Variants in SF3B3 observed in about 807,000 individuals in gnomAD.
SF3B3 encodes splicing factor 3b subunit 3.
SF3B3 carries 33 observed loss-of-function variants against 139.2 expected under a neutral mutation model. The ratio of observed to expected loss-of-function variants is 0.24; its 90% CI spans 0.18 to 0.32. The LOEUF (loss-of-function observed/expected upper bound fraction) is 0.32, where lower values mean the gene tolerates loss of function less well. Ranked by LOEUF, SF3B3 falls within the 10% of genes least tolerant of loss-of-function variation. SF3B3 has a pLI of 1.00. For synonymous variants in SF3B3, 596 were observed against 563.6 expected, an observed-to-expected ratio of 1.06 and a Z score of -0.81; for missense variants, 818 against 1,509.4, an observed-to-expected ratio of 0.54 and a Z score of 7.59.
chr16:70,532,186 G>A (rs2050127453), intron 4 of SF3B3, among the ~76,000 whole-genome samples: 1 of 151,988 alleles, frequency 6.6e-6, no homozygotes, highest in Admixed American at 6.5e-5. Context: ...CAGCAACTCG[G>A]GAGGCTGAGG....
chr16:70,531,447 T>C (rs2050120891), intron 4 of SF3B3, among the ~76,000 whole-genome samples: 1 of 152,082 alleles, frequency 6.6e-6, no homozygotes, highest in Non-Finnish European at 1.5e-5. Flanking sequence ...CAGCTAATTT[T>C]TGTATTTTTA....
At chr16:70,531,886 T>G (rs1392466327) in intron 4 of SF3B3, among the ~76,000 whole-genome samples, 1 of 152,256 alleles carries the variant, frequency 6.6e-6, no homozygotes, top group Non-Finnish European at 1.5e-5. Context: ...GCCATTATCT[T>G]ATAGCATAAA....
In SF3B3 at chr16:70,574,737, C is replaced by T. The variant is rs1263734596; in HGVS notation, c.*2924C>T. The T allele has an allele frequency of 7.2e-5, 11 of 152,236 alleles. No homozygotes were observed. The highest frequency in any genetic ancestry group is 6.5e-4 in the Admixed American group (10 of 15,278). 9.4% of individuals were successfully genotyped at this position (152,236 alleles called of 1,614,324 possible). A position where few individuals can be genotyped will look rare whatever the true frequency, so the allele number is the denominator to read the frequency against. ...CGAACTCCTGGCCTAAAGTGGTCCA[C>T]CTAGCTCAGCCTACCAAAGTGCTGT... On this transcript the variant is annotated 3_prime_UTR_variant, in exon 26 of 26. Transcript: ENST00000302516.
Position 70,571,144 on chromosome 16 carries a change from C to T in SF3B3, c.3458C>T (p.Pro1153Leu). 6.2e-7 allele frequency: 1 copy of T among 1,614,024 alleles called. No homozygotes were observed. Among genetic ancestry groups the T allele is most frequent in the Non-Finnish European group, 8.5e-7 (1 of 1,179,984 alleles). Residue 1153 changes from proline (P) to leucine (L), a missense_variant, in exon 25 of 26, where the codon CCC (proline) becomes CTC (leucine). By Grantham distance (98) the Pro-to-Leu change is moderately conservative. Transcript: ENST00000302516. ...HVEMHLRSEH[P>L]PLCGRDHLSF... ...GAAATGCACCTGCGGTCTGAACATC[C>T]CCCTCTCTGTGGGCGGGACCACCTC... is the stretch of plus-strand genomic sequence containing the variant.
At chr16:70,557,587 T>C (rs1341027448) in intron 15 of SF3B3, among the ~76,000 whole-genome samples, 3 of 152,244 alleles carry the variant, frequency 2.0e-5, no homozygotes, top group Non-Finnish European at 4.4e-5. Context: ...ATCTCAAACA[T>C]AGCCAGAAGT....
chr16:70,529,394 C>T (rs1035451750), intron 3 of SF3B3, 195 bp downstream of exon 3: 3 of 568,248 alleles, frequency 5.3e-6, no homozygotes, highest in Admixed American at 3.3e-5. Flanking sequence ...TCTTAACACA[C>T]CTTTCTACTT....
chr16:70,538,103 G>T (rs768234241), intron 6 of SF3B3: 25 of 702,362 alleles, frequency 3.6e-5, no homozygotes, highest in South Asian at 3.4e-4. Flanking sequence ...AGGCTGTAGA[G>T]TGGAATTGGG....
chr16:70,569,036 C>T lies in SF3B3; in HGVS notation c.3166-7C>T. 2 of 1,600,682 alleles carry T rather than the reference C, an allele frequency of 1.2e-6. No homozygotes were observed. Among genetic ancestry groups the T allele is most frequent in the Non-Finnish European group, 1.7e-6 (2 of 1,172,264 alleles). On this transcript the variant is annotated splice_region_variant and splice_polypyrimidine_tract_variant and intron_variant, in intron 22 of 25. Coordinates refer to ENST00000302516, the MANE Select transcript of SF3B3 (RefSeq NM_012426.5). ...CCAGCAGTGTGACTTGTGTCACTTC[C>T]TTGTAGGTGAGGCTCCCACCTAACA...
At chr16:70,539,626 C>G (rs906786289) in intron 8 of SF3B3, among the ~76,000 whole-genome samples, 1 of 151,954 alleles carries the variant, frequency 6.6e-6, no homozygotes, top group Non-Finnish European at 1.5e-5. Flanking sequence ...TTAGTTCTTT[C>G]AAAAGAAGTT....
intron 5 of SF3B3, among the ~76,000 whole-genome samples, chr16:70,532,975 C>T (rs1216034133): frequency 6.6e-6 from 1 of 152,146 alleles, no homozygotes; most frequent in East Asian, 1.9e-4. Context: ...ATGGACAGAC[C>T]CCACAAGATG....
chr16:70,538,708 A>G (rs1350376762), intron 7 of SF3B3, among the ~76,000 whole-genome samples: 1 of 152,224 alleles, frequency 6.6e-6, no homozygotes, highest in Admixed American at 6.5e-5. Flanking sequence ...TTTTGGTGTG[A>G]AGAAGATAAA....
rs1369025994 is a variant in SF3B3 at position 70,576,957 on chromosome 16, C to A, written c.*5144C>A. 1.3e-5 allele frequency: 2 copies of A among 152,222 alleles called. No individual in the cohort carries two copies. The highest frequency in any genetic ancestry group is 6.6e-5 in the Admixed American group (1 of 15,250). The allele number at this position is 152,222 out of a possible 1,614,324, so 9.4% of individuals were successfully genotyped here. A position where few individuals can be genotyped will look rare whatever the true frequency, so the allele number is the denominator to read the frequency against. On this transcript the variant is annotated 3_prime_UTR_variant, in exon 26 of 26. Coordinates refer to ENST00000302516, the MANE Select transcript of SF3B3 (RefSeq NM_012426.5). ...CCAGCCTGGGCAACATGACAAAACCCCATCTCTCCAAAAATACAAAAATTA... is the reference window on the plus strand; with the variant it reads ...CCAGCCTGGGCAACATGACAAAACCACATCTCTCCAAAAATACAAAAATTA...
chr16:70,568,249 C>T (rs747447131), intron 21 of SF3B3, 34 bp from the exon 22 acceptor site: 5 of 1,517,096 alleles, frequency 3.3e-6, no homozygotes, highest in African/African-American at 2.7e-5. Context: ...CCCAAGATTA[C>T]ACCCACCATC....
chr16:70,533,381 G>A (rs2050139169), intron 5 of SF3B3, among the ~76,000 whole-genome samples: 1 of 152,062 alleles, frequency 6.6e-6, no homozygotes, highest in Admixed American at 6.6e-5. Context: ...AGTAGAAAAA[G>A]AGTAAATGCT....
Position 70,536,807 on chromosome 16 carries a change from C to CTT in SF3B3, c.825+1407_825+1408dup, listed in dbSNP as rs34747226. Among the ~76,000 whole-genome samples the CTT allele has an allele frequency of 5.2e-3, 637 of 122,632 alleles. 8 individuals carry two copies. Among genetic ancestry groups the CTT allele is most frequent in the South Asian group, 0.025 (89 of 3,608 alleles). 80.5% of individuals were successfully genotyped at this position (122,632 alleles called of 152,430 possible). A position where few individuals can be genotyped will look rare whatever the true frequency, so the allele number is the denominator to read the frequency against. Reference sequence around the variant, plus strand: ...CTGCCAGTCTGGGCTAATTTTCTTTCTTTTTTTTTTTTTTTTTTTTTAAGA... The same window carrying CTT: ...CTGCCAGTCTGGGCTAATTTTCTTTCTTTTTTTTTTTTTTTTTTTTTTTAAGA... On this transcript the variant is annotated intron_variant, in intron 6 of 25. Coordinates refer to ENST00000302516, the MANE Select transcript of SF3B3 (RefSeq NM_012426.5).
chr16:70,570,205 G>T, intron 24 of SF3B3, 56 bp downstream of exon 24: 2 of 1,569,692 alleles, frequency 1.3e-6, no homozygotes, highest in Non-Finnish European at 1.7e-6. Flanking sequence ...CTTGGTGCTG[G>T]ATCTACCTAA....
intron 3 of SF3B3, 48 bp from the exon 4 acceptor site, chr16:70,530,697 C>G (rs374744004): frequency 9.4e-6 from 14 of 1,495,154 alleles, no homozygotes; most frequent in African/African-American, 5.6e-5. Context: ...ATAAGTCTCT[C>G]TTCTCATTAT....
At chr16:70,524,849 T>G (rs2050038676) in intron 1 of SF3B3, 1 of 152,374 alleles carries the variant, frequency 6.6e-6, no homozygotes, top group South Asian at 2.1e-4. Context: ...CCCAGCTAAT[T>G]TTTTGTATTT....
chr16:70,540,321 C>G (rs764532418), intron 8 of SF3B3, among the ~76,000 whole-genome samples: 3 of 151,836 alleles, frequency 2.0e-5, no homozygotes, highest in African/African-American at 7.2e-5. Context: ...TTGGCCTTCC[C>G]GAAGTGTTGG....
Sources: gnomAD v4.1 joint callset for allele counts (sites outside exome capture counted in the v4.1 genomes callset) on GRCh38, gnomAD v4.1.1 for gene constraint, MANE v1.5 for transcripts, NCBI Gene and HGNC (gene_info 2026-07-23, HGNC 2026-07-21) for gene names.